The following MEF2C variants were observed in gnomAD, a reference collection of about 807,000 sequenced individuals.
The protein encoded by MEF2C is myocyte enhancer factor 2C.
In MEF2C, 6 loss-of-function variants were observed where a neutral mutation model predicts 50.5. That is an observed-to-expected ratio of 0.12 (90% CI 0.07 to 0.23). The LOEUF is 0.23. Among genes scored for constraint, MEF2C ranks in the 10% least tolerant of loss-of-function variants. The pLI is 1.00. For synonymous variants in MEF2C, 183 were observed against 228.0 expected, an observed-to-expected ratio of 0.80 and a Z score of 1.78; for missense variants, 276 against 605.0, an observed-to-expected ratio of 0.46 and a Z score of 5.70.
intron 1 of MEF2C, among the ~76,000 whole-genome samples, chr5:88,882,358 A>T (rs141314989): frequency 6.6e-6 from 1 of 152,314 alleles, no homozygotes; most frequent in African/African-American, 2.4e-5. Flanking sequence ...CTACTATGGC[A>T]GGGATATTAC....
chr5:88,865,125 G>A (rs981441407), intron 1 of MEF2C, among the ~76,000 whole-genome samples: 2 of 152,042 alleles, frequency 1.3e-5, no homozygotes, highest in Admixed American at 1.3e-4. Context: ...TCAAACTCCT[G>A]ACCTCAAGTG....
At chr5:88,777,468 G>A (rs904450620) in intron 3 of MEF2C, among the ~76,000 whole-genome samples, 1 of 152,150 alleles carries the variant, frequency 6.6e-6, no homozygotes, top group African/African-American at 2.4e-5. Context: ...AAGTTAGTGA[G>A]TGGTGGAACC....
chr5:88,896,882 T>G (rs1480420533), intron 1 of MEF2C, among the ~76,000 whole-genome samples: 1 of 152,084 alleles, frequency 6.6e-6, no homozygotes, highest in African/African-American at 2.4e-5. Flanking sequence ...TCATCTTTTC[T>G]GCTTCCTCTT....
At chr5:88,789,605 TTTAA>T (rs928524671) in intron 3 of MEF2C, among the ~76,000 whole-genome samples, 45 of 152,202 alleles carry the variant, frequency 3.0e-4, no homozygotes, top group African/African-American at 1.0e-3. Context: ...AGATAAGAGA[TTTAA>T]TTGATATGAA....
intron 3 of MEF2C, among the ~76,000 whole-genome samples, chr5:88,800,387 C>A (rs192162730): frequency 6.6e-6 from 1 of 152,316 alleles, no homozygotes; most frequent in Non-Finnish European, 1.5e-5. Flanking sequence ...TGTTCCCAAG[C>A]TGATTTTTTG....
chr5:88,772,977 A>T (rs1783057203), intron 3 of MEF2C: 1 of 878,074 alleles, frequency 1.1e-6, no homozygotes, highest in Non-Finnish European at 1.4e-6. Flanking sequence ...ACTGCTCAAT[A>T]CCCATATTGT....
intron 6 of MEF2C, among the ~76,000 whole-genome samples, chr5:88,732,203 G>A (rs1292773836): frequency 6.6e-6 from 1 of 152,110 alleles, no homozygotes; most frequent in Non-Finnish European, 1.5e-5. Context: ...GTAGTTCAGG[G>A]TCTAAGAAAA....
At chr5:88,741,397 G>A (rs1766702423) in intron 6 of MEF2C, 1 of 985,110 alleles carries the variant, frequency 1.0e-6, no homozygotes, top group Admixed American at 6.2e-5. Context: ...ACTTTTCAAG[G>A]GCAATAGTGC....
chr5:88,734,583 T>TTTG, intron 6 of MEF2C: 1 of 956,556 alleles, frequency 1.0e-6, no homozygotes, highest in Non-Finnish European at 1.2e-6. Flanking sequence ...TTTTTTTTTT[T>TTTG]TTTTTTTTTT....
chr5:88,817,034 C>CA (rs200663969), intron 2 of MEF2C, among the ~76,000 whole-genome samples: 3,608 of 151,616 alleles, frequency 0.024, 77 homozygotes, highest in Non-Finnish European at 0.035. Context: ...TGGAGGTGGC[C>CA]AAAAAAAGTG....
chr5:88,875,622 A>G (rs1022786780), intron 1 of MEF2C, among the ~76,000 whole-genome samples: 1 of 152,004 alleles, frequency 6.6e-6, no homozygotes, highest in Non-Finnish European at 1.5e-5. Flanking sequence ...TATGGGAATA[A>G]AAAGGAAACA....
In MEF2C at chr5:88,749,093, G is replaced by A. The variant is rs1771366071; in HGVS notation, c.614C>T (p.Thr205Met). ...NTGGLMGGDL[T>M]SGAGTSAGNG... ...ACCTGCACTGGTGCCTGCACCAGAC[G>A]TGAGGTCTCCACCCATCAGACCACC... Residue 205 changes from threonine (T) to methionine (M), a missense_variant, in exon 6 of 11, where the codon ACG becomes ATG. Coordinates refer to ENST00000504921, the MANE Select transcript of MEF2C (RefSeq NM_002397.5). 4 of 1,575,958 alleles carry A rather than the reference G, an allele frequency of 2.5e-6. No homozygotes were observed. The highest frequency in any genetic ancestry group is 2.6e-6 in the Non-Finnish European group (3 of 1,160,094).
chr5:88,816,473 T>C (rs1242076611), intron 2 of MEF2C, among the ~76,000 whole-genome samples: 6 of 150,422 alleles, frequency 4.0e-5, no homozygotes, highest in Admixed American at 4.0e-4. Context: ...TGCTTTTTTT[T>C]TTTTTTTTTT....
At chr5:88,760,159 A>G (rs529870968) in intron 4 of MEF2C, among the ~76,000 whole-genome samples, 56 of 152,384 alleles carry the variant, frequency 3.7e-4, no homozygotes, top group Non-Finnish European at 6.5e-4. Flanking sequence ...CACCCCTTTC[A>G]GCCACAAAAT....
chr5:88,777,225 T>C (rs1431231926), intron 3 of MEF2C, among the ~76,000 whole-genome samples: 1 of 152,136 alleles, frequency 6.6e-6, no homozygotes, highest in African/African-American at 2.4e-5. Context: ...AAGAGGAAAT[T>C]AAACCAGTCT....
At chr5:88,738,083 G>C (rs751752248) in intron 6 of MEF2C, 8 of 984,872 alleles carry the variant, frequency 8.1e-6, no homozygotes, top group Non-Finnish European at 9.6e-6. Flanking sequence ...AGGAGTTGGG[G>C]ACAAAAAAAA....
At chr5:88,899,344 A>G (rs575675989) in intron 1 of MEF2C, among the ~76,000 whole-genome samples, 2 of 152,272 alleles carry the variant, frequency 1.3e-5, no homozygotes, top group Non-Finnish European at 1.5e-5. Context: ...GTCATTGCAG[A>G]CAGGAACCCA....
intron 6 of MEF2C, among the ~76,000 whole-genome samples, chr5:88,744,403 A>G (rs1768353311): frequency 6.6e-6 from 1 of 152,170 alleles, no homozygotes; most frequent in African/African-American, 2.4e-5. Context: ...AATACAGAAT[A>G]TTAGCTGGGC....
At chr5:88,788,913 A>T (rs1177088501) in intron 3 of MEF2C, among the ~76,000 whole-genome samples, 1 of 152,192 alleles carries the variant, frequency 6.6e-6, no homozygotes, top group African/African-American at 2.4e-5. Context: ...GTCAATCAAT[A>T]AACTTATGTC....
Sources: gnomAD v4.1 joint callset for allele counts (sites outside exome capture counted in the v4.1 genomes callset) on GRCh38, gnomAD v4.1.1 for gene constraint, MANE v1.5 for transcripts, NCBI Gene and HGNC (gene_info 2026-07-23, HGNC 2026-07-21) for gene names.